Variants in ANKFN1 observed in about 807,000 individuals in gnomAD.
The protein encoded by ANKFN1 is ankyrin repeat and fibronectin type-III domain-containing protein 1.
A neutral mutation model predicts 108.7 loss-of-function variants in ANKFN1; 74 were observed. The ratio of observed to expected loss-of-function variants is 0.68; its 90% CI spans 0.56 to 0.83. The LOEUF (loss-of-function observed/expected upper bound fraction) is 0.83. Ranked by LOEUF, ANKFN1 falls within the 40% of genes least tolerant of loss-of-function variation. ANKFN1 has a pLI of 0.00. For synonymous variants in ANKFN1, 547 were observed against 516.2 expected, an observed-to-expected ratio of 1.06 and a Z score of -0.81; for missense variants, 1,505 against 1,382.3, an observed-to-expected ratio of 1.09 and a Z score of -1.41.
chr17:56,092,104 T>C (rs1905430800), intron 4 of ANKFN1, among the ~76,000 whole-genome samples: 1 of 151,344 alleles, frequency 6.6e-6, no homozygotes, highest in Admixed American at 6.6e-5. Context: ...GTAGCCTTTC[T>C]GCACAAGTGC....
chr17:56,450,532 T>A (rs2145205660), intron 11 of ANKFN1, among the ~76,000 whole-genome samples: 1 of 152,276 alleles, frequency 6.6e-6, no homozygotes, highest in Middle Eastern at 3.4e-3. Flanking sequence ...CATTCCCAGA[T>A]CTCTAAGAAG....
intron 8 of ANKFN1, among the ~76,000 whole-genome samples, chr17:56,439,187 C>T (rs1263525576): frequency 6.6e-6 from 1 of 152,150 alleles, no homozygotes; most frequent in Non-Finnish European, 1.5e-5. Flanking sequence ...AGCAAGGGAA[C>T]TGTGTGACTC....
At chr17:56,470,178 C>T (rs1041003739) in intron 15 of ANKFN1, among the ~76,000 whole-genome samples, 1 of 152,142 alleles carries the variant, frequency 6.6e-6, no homozygotes, top group Non-Finnish European at 1.5e-5. Flanking sequence ...TTTCTTTATC[C>T]AGTCTATCAT....
At chr17:56,467,633 C>A (rs1427130696) in intron 15 of ANKFN1, among the ~76,000 whole-genome samples, 1 of 144,222 alleles carries the variant, frequency 6.9e-6, no homozygotes, top group Non-Finnish European at 1.5e-5. Flanking sequence ...GCCGAGATCA[C>A]GCTACTGCAC....
intron 1 of ANKFN1, among the ~76,000 whole-genome samples, chr17:56,188,409 T>G (rs1271435898): frequency 5.8e-4 from 88 of 151,336 alleles, no homozygotes; most frequent in Non-Finnish European, 1.5e-5. Flanking sequence ...CTTCCTTGCC[T>G]TTTTCAGCTT....
At chr17:56,185,492 G>T (rs1034520789) in intron 1 of ANKFN1, among the ~76,000 whole-genome samples, 1 of 152,072 alleles carries the variant, frequency 6.6e-6, no homozygotes, top group Non-Finnish European at 1.5e-5. Context: ...TCGAAGAATG[G>T]GTCAGAGCAG....
intron 10 of ANKFN1, among the ~76,000 whole-genome samples, chr17:56,447,158 G>T (rs2049323957): frequency 6.6e-6 from 1 of 152,204 alleles, no homozygotes; most frequent in Admixed American, 6.5e-5. Flanking sequence ...GGGAGGCAAA[G>T]GTTGCAGTGA....
chr17:56,457,190 C>T (rs2049735309), intron 12 of ANKFN1, 67 bp from the exon 13 acceptor site: 1 of 1,435,820 alleles, frequency 7.0e-7, no homozygotes, highest in African/African-American at 1.4e-5. Context: ...CATCTTTTAT[C>T]ACATCCAAAA....
intron 1 of ANKFN1, among the ~76,000 whole-genome samples, chr17:56,196,012 G>T (rs895087632): frequency 5.9e-5 from 9 of 152,252 alleles, no homozygotes; most frequent in Admixed American, 5.9e-4. Context: ...GAAGTTATGG[G>T]CCTTCTCACC....
chr17:56,429,651 A>G (rs1408099445), intron 8 of ANKFN1, among the ~76,000 whole-genome samples: 1 of 152,202 alleles, frequency 6.6e-6, no homozygotes, highest in East Asian at 1.9e-4. Context: ...ATTTTATTCC[A>G]GGTGCATTAG....
chr17:56,239,466 T>C (rs1917418510), intron 3 of ANKFN1, among the ~76,000 whole-genome samples: 2 of 152,194 alleles, frequency 1.3e-5, no homozygotes, highest in South Asian at 4.1e-4. Context: ...TACAACATTG[T>C]ATGCATGTAT....
At chr17:56,372,985 G>T (rs141385000) in intron 7 of ANKFN1, 145 bp downstream of exon 7, 2 of 794,826 alleles carry the variant, frequency 2.5e-6, no homozygotes, top group Non-Finnish European at 3.9e-6. Flanking sequence ...GGCTCTGAGA[G>T]GCTGTCAAAG....
intron 3 of ANKFN1, among the ~76,000 whole-genome samples, chr17:56,312,756 T>C (rs1384377901): frequency 1.3e-5 from 2 of 152,352 alleles, no homozygotes; most frequent in East Asian, 3.9e-4. Flanking sequence ...TTATAGTGAA[T>C]AAGGGATGGA....
rs1443948669 is a variant in ANKFN1 at position 56,199,065 on chromosome 17, T to C, written c.-70-13533T>C. ...AAAATAAATTTTGAGAAAATTTATGTCTTTACAATATTTGCTCTGCTCATA... is the reference window on the plus strand; with the variant it reads ...AAAATAAATTTTGAGAAAATTTATGCCTTTACAATATTTGCTCTGCTCATA... On this transcript the variant is annotated intron_variant, in intron 1 of 20. Coordinates refer to ENST00000682825, the MANE Select transcript of ANKFN1 (RefSeq NM_001370326.1). 2.0e-5 allele frequency among the ~76,000 whole-genome samples: 3 copies of C among 152,224 alleles called. No individual in the cohort carries two copies. In the East Asian group the frequency reaches 5.8e-4, roughly 29 times the overall value.
rs1414489871 is a variant in ANKFN1 at position 56,511,101 on chromosome 17, C to G, written c.3273C>G (p.Tyr1091Ter). 6.5e-7 allele frequency: 1 copy of G among 1,536,034 alleles called. No individual in the cohort carries two copies. Among genetic ancestry groups the G allele is most frequent in the African/African-American group, 1.4e-5 (1 of 73,182 alleles). Residue 1091 changes from tyrosine to a stop codon, truncating the protein, a stop_gained, in exon 21 of 21, where the codon TAC becomes TAG. Coordinates refer to ENST00000682825, the MANE Select transcript of ANKFN1 (RefSeq NM_001370326.1). LOFTEE classifies it low-confidence loss of function (END_TRUNC). The stretch of plus-strand genomic sequence containing the variant: ...CGAGGCCTTCCGTCCGCCGCCTCTA[C>G]GTGGAGCCCTACGCAGCGGCCGTGG... The part of the protein sequence containing the change: ...QDARPSVRRL[Y>*]VEPYAAAVVA...
At chr17:56,102,986 C>T (rs1905676237) in intron 4 of ANKFN1, among the ~76,000 whole-genome samples, 2 of 152,188 alleles carry the variant, frequency 1.3e-5, no homozygotes, top group African/African-American at 4.8e-5. Flanking sequence ...TTAAATATTA[C>T]ATAAATAGTA....
At chr17:56,412,447 G>A (rs2192218) in intron 8 of ANKFN1, among the ~76,000 whole-genome samples, 114,823 of 152,034 alleles carry the variant, frequency 0.76, 43,556 homozygotes, top group East Asian at 0.96. Flanking sequence ...AAAGGAGATT[G>A]ACATTTGAGT....
chr17:56,494,651 C>T (rs11652033), intron 19 of ANKFN1, among the ~76,000 whole-genome samples: 76,715 of 152,030 alleles, frequency 0.5, 23,680 homozygotes, highest in East Asian at 0.81. Context: ...CTGGACAATT[C>T]ATTTGATCTC....
intron 4 of ANKFN1, among the ~76,000 whole-genome samples, chr17:56,117,263 T>A (rs1439868826): frequency 6.6e-6 from 1 of 152,172 alleles, no homozygotes; most frequent in Non-Finnish European, 1.5e-5. Flanking sequence ...TTTCTATGAA[T>A]ACATGTAGTG....
Sources: gnomAD v4.1 joint callset for allele counts (sites outside exome capture counted in the v4.1 genomes callset) on GRCh38, gnomAD v4.1.1 for gene constraint, MANE v1.5 for transcripts, NCBI Gene and HGNC (gene_info 2026-07-23, HGNC 2026-07-21) for gene names.